The following TARP variants were observed in gnomAD, a reference collection of about 807,000 sequenced individuals.
At chr7:38,271,745 C>T in the TARP span, among the ~76,000 whole-genome samples, 10 of 151,196 alleles carry the variant, frequency 6.6e-5, no homozygotes, top group South Asian at 6.3e-4. Context: ...CCAAAGTGGA[C>T]GCTTTGACCT....
chr7:38,271,400 C>A, the TARP span, among the ~76,000 whole-genome samples: 2 of 150,930 alleles, frequency 1.3e-5, no homozygotes, highest in Admixed American at 1.3e-4. Flanking sequence ...TGGGGAGGTG[C>A]CTTATGTATG....
the TARP span, among the ~76,000 whole-genome samples, chr7:38,271,549 A>G: frequency 4.2e-5 from 5 of 119,166 alleles, no homozygotes; most frequent in South Asian, 3.1e-4. Flanking sequence ...TGGTAAAAGG[A>G]AAAAAAAAGG....
the TARP span, among the ~76,000 whole-genome samples, chr7:38,263,188 A>C: frequency 0.092 from 12,093 of 130,878 alleles, no homozygotes; most frequent in African/African-American, 0.21. Flanking sequence ...TTATTGTGTC[A>C]GGCACTATGT....
the TARP span, among the ~76,000 whole-genome samples, chr7:38,265,901 A>T: frequency 6.6e-6 from 1 of 151,736 alleles, no homozygotes; most frequent in Non-Finnish European, 1.5e-5. Flanking sequence ...GCCAAAAGTC[A>T]CAGCTCTCAA....
the TARP span, among the ~76,000 whole-genome samples, chr7:38,266,990 G>C: frequency 6.6e-6 from 1 of 151,572 alleles, no homozygotes; most frequent in Non-Finnish European, 1.5e-5. Context: ...TTTTATTTTG[G>C]AATTTCATTT....
the TARP span, among the ~76,000 whole-genome samples, chr7:38,266,901 A>G: frequency 1.3e-5 from 2 of 151,956 alleles, no homozygotes; most frequent in East Asian, 3.9e-4. Context: ...ATTTTCAGAA[A>G]TACTCTTGTG....
the TARP span, among the ~76,000 whole-genome samples, chr7:38,270,687 T>C: frequency 2.0e-5 from 3 of 151,242 alleles, no homozygotes. Context: ...CAAATCCATC[T>C]CTCTGTTGTC....
the TARP span, among the ~76,000 whole-genome samples, chr7:38,272,106 G>T: frequency 1.3e-5 from 2 of 150,938 alleles, no homozygotes; most frequent in Non-Finnish European, 3.0e-5. Context: ...TTTAGAAGCA[G>T]GTACAATTAG....
chr7:38,265,887 A>G, the TARP span, among the ~76,000 whole-genome samples: 1 of 151,564 alleles, frequency 6.6e-6, no homozygotes, highest in African/African-American at 2.4e-5. Flanking sequence ...ACATTAAATA[A>G]CTTGCCAAAA....
chr7:38,262,221 A>G, the TARP span: 2 of 1,607,984 alleles, frequency 1.2e-6, no homozygotes, highest in Admixed American at 1.7e-5. Context: ...GATGACATCT[A>G]GAAGAATGAG....
the TARP span, among the ~76,000 whole-genome samples, chr7:38,271,984 G>C: frequency 6.6e-6 from 1 of 151,012 alleles, no homozygotes; most frequent in African/African-American, 2.4e-5. Flanking sequence ...TTCGAGTTGG[G>C]GGAGGGGAAA....
chr7:38,260,974 C>G, the TARP span, among the ~76,000 whole-genome samples: 1 of 151,830 alleles, frequency 6.6e-6, no homozygotes, highest in African/African-American at 2.4e-5. Flanking sequence ...AAGCCAGAAA[C>G]AAGTACTCAT....
At chr7:38,267,796 T>C in the TARP span, among the ~76,000 whole-genome samples, 1 of 151,470 alleles carries the variant, frequency 6.6e-6, no homozygotes, top group Non-Finnish European at 1.5e-5. Context: ...CTCTAGTCAA[T>C]ATATTTTCCA....
the TARP span, among the ~76,000 whole-genome samples, chr7:38,269,221 G>A: frequency 5.7e-4 from 86 of 150,362 alleles, no homozygotes; most frequent in Admixed American, 7.3e-4. Context: ...CTCAGGGCCA[G>A]ACATTTTAAT....
the TARP span, among the ~76,000 whole-genome samples, chr7:38,264,645 T>C: frequency 6.6e-6 from 1 of 151,522 alleles, no homozygotes; most frequent in African/African-American, 2.4e-5. Flanking sequence ...AAACACATTA[T>C]AAAACTGTAA....
At chr7:38,264,607 T>C in the TARP span, among the ~76,000 whole-genome samples, 8 of 151,538 alleles carry the variant, frequency 5.3e-5, no homozygotes, top group East Asian at 1.5e-3. Flanking sequence ...AAAAAAGACT[T>C]TTTACTTTTA....
the TARP span, among the ~76,000 whole-genome samples, chr7:38,271,495 T>G: frequency 6.6e-6 from 1 of 151,092 alleles, no homozygotes; most frequent in Non-Finnish European, 1.5e-5. Context: ...GGAGGAGATA[T>G]CGACATGAAA....
chr7:38,269,610 G>A, the TARP span: 1 of 607,888 alleles, frequency 1.6e-6, no homozygotes, highest in Non-Finnish European at 2.9e-6. Context: ...TGGTGGTCTG[G>A]GATTCTCAAA....
At chr7:38,268,434 A>G in the TARP span, among the ~76,000 whole-genome samples, 2 of 151,586 alleles carry the variant, frequency 1.3e-5, no homozygotes, top group Non-Finnish European at 2.9e-5. Context: ...CATTAGCTAA[A>G]TAGTTATAGC....
Sources: gnomAD v4.1 joint callset for allele counts (sites outside exome capture counted in the v4.1 genomes callset) on GRCh38, gnomAD v4.1.1 for gene constraint, MANE v1.5 for transcripts.